Variants in AREL1 observed in about 807,000 individuals in gnomAD.
AREL1 encodes the protein apoptosis resistant E3 ubiquitin protein ligase 1.
In AREL1, 62 loss-of-function variants were observed where a neutral mutation model predicts 99.0. The observed-to-expected ratio is 0.63, with a 90% CI of 0.51 to 0.77. The LOEUF (loss-of-function observed/expected upper bound fraction) is 0.77. AREL1 is among the 30% of genes least tolerant of loss of function. AREL1 has a pLI of 0.00. For missense variants in AREL1, 879 were observed against 1,027.6 expected (o/e 0.86, Z 1.98); for synonymous variants, 380 against 376.5 (o/e 1.01, Z -0.11).
At chr14:74,684,391 G>A in intron 4 of AREL1, 63 bp downstream of exon 4, 1 of 1,444,856 alleles carries the variant, frequency 6.9e-7, no homozygotes, top group Non-Finnish European at 9.7e-7. Flanking sequence ...GCCAGCACCT[G>A]GGCTCTGGAA....
intron 1 of AREL1, chr14:74,698,874 AAAAG>A: frequency 4.9e-6 from 1 of 205,056 alleles, no homozygotes; most frequent in Non-Finnish European, 1.1e-5. Flanking sequence ...AAAAAAAAAA[AAAAG>A]CTGGGTGTGG....
intron 15 of AREL1, among the ~76,000 whole-genome samples, chr14:74,669,174 C>T (rs2089274800): frequency 6.6e-6 from 1 of 152,206 alleles, no homozygotes; most frequent in African/African-American, 2.4e-5. Flanking sequence ...CAATTACAGG[C>T]CATGAGCCAC....
intron 9 of AREL1, 144 bp from the exon 10 acceptor site, chr14:74,673,362 T>C: frequency 1.2e-6 from 1 of 815,818 alleles, no homozygotes; most frequent in South Asian, 2.1e-5. Context: ...TACATTTCAT[T>C]ATTTTTCCCT....
chr14:74,676,953 T>A (rs990126426), intron 5 of AREL1, among the ~76,000 whole-genome samples: 4 of 152,110 alleles, frequency 2.6e-5, no homozygotes, highest in South Asian at 4.2e-4. Flanking sequence ...CCCGCCACCA[T>A]GCCCAGAGAA....
At position 74,661,619 on chromosome 14, in the gene AREL1, A is replaced by C. The variant is rs1002310849; in HGVS notation, c.*2101T>G. On this transcript the variant is annotated 3_prime_UTR_variant, in exon 20 of 20. Transcript: ENST00000356357. ...AAGCAGGATTAGAAAAAAAAAAAAC[A>C]AAACAGTAAAAGAAAAGGCCCAAGA... is the stretch of plus-strand genomic sequence containing the variant. The C allele has an allele frequency of 1.0e-5, 2 of 191,932 alleles. No individual in the cohort carries two copies. 11.9% of individuals were successfully genotyped at this position (191,932 alleles called of 1,614,324 possible).
At chr14:74,671,068 A>C (rs756956441) in intron 12 of AREL1, among the ~76,000 whole-genome samples, 197 bp from the exon 13 acceptor site, 1 of 152,152 alleles carries the variant, frequency 6.6e-6, no homozygotes, top group Non-Finnish European at 1.5e-5. Context: ...CTGATCACTA[A>C]GGAAAAGCCC....
chr14:74,676,783 A>C, intron 5 of AREL1, 31 bp from the exon 6 acceptor site: 1 of 1,465,152 alleles, frequency 6.8e-7, no homozygotes, highest in Admixed American at 2.4e-5. Context: ...TCTAACATTT[A>C]TTTATTTTAT....
In AREL1 at chr14:74,676,827, C is replaced by G. The variant is rs545857611; in HGVS notation, c.482-75G>C. 59 of 1,211,310 alleles carry G rather than the reference C, an allele frequency of 4.9e-5. 1 individual carries two copies. The South Asian group carries it at 1.2e-3, about 25-fold the overall frequency. The allele number at this position is 1,211,310 out of a possible 1,614,324, so 75.0% of individuals were successfully genotyped here. A position where few individuals can be genotyped will look rare whatever the true frequency, so the allele number is the denominator to read the frequency against. ...TTTTATTTTTTTTGAGATGGAGTCTCGCTCTTTCGCCCAGGCTGGAGTGCA... is the reference window on the plus strand; with the variant it reads ...TTTTATTTTTTTTGAGATGGAGTCTGGCTCTTTCGCCCAGGCTGGAGTGCA... On this transcript the variant is annotated intron_variant, in intron 5 of 19. Coordinates refer to ENST00000356357, the MANE Select transcript of AREL1 (RefSeq NM_001039479.2).
At chr14:74,668,804 CTGTT>C (rs780724454) in intron 15 of AREL1, among the ~76,000 whole-genome samples, 139 of 152,164 alleles carry the variant, frequency 9.1e-4, no homozygotes, top group Non-Finnish European at 1.7e-3. Context: ...TCATTTGATG[CTGTT>C]TAACACCACA....
In AREL1 at chr14:74,662,155, C is replaced by T. The variant is rs1431677338; in HGVS notation, c.*1565G>A. On this transcript the variant is annotated 3_prime_UTR_variant, in exon 20 of 20. Transcript: ENST00000356357. The stretch of plus-strand genomic sequence containing the variant: ...CCCAAGGATGAGTGAGGTCAGCACC[C>T]ATGTGCCAAGAAAGGACAAATGATG... The T allele has an allele frequency of 6.4e-6, 1 of 156,638 alleles. No homozygotes were observed. The highest frequency in any genetic ancestry group is 2.4e-5 in the African/African-American group (1 of 41,608). The allele number at this position is 156,638 out of a possible 1,614,324, so 9.7% of individuals were successfully genotyped here. A position where few individuals can be genotyped will look rare whatever the true frequency, so the allele number is the denominator to read the frequency against.
intron 1 of AREL1, among the ~76,000 whole-genome samples, chr14:74,697,126 GGT>G (rs2089992043): frequency 6.6e-6 from 1 of 151,594 alleles, no homozygotes; most frequent in Non-Finnish European, 1.5e-5. Flanking sequence ...CTCTAGCCTG[GGT>G]AACAGAGAGA....
intron 1 of AREL1, among the ~76,000 whole-genome samples, chr14:74,707,938 C>G (rs1234867441): frequency 7.1e-6 from 1 of 141,710 alleles, no homozygotes; most frequent in Non-Finnish European, 1.5e-5. Flanking sequence ...GCCTGGGCGA[C>G]AGAGTGAGAC....
At position 74,683,376 on chromosome 14, in the gene AREL1, T is replaced by C. The variant is rs763535458; in HGVS notation, c.401A>G (p.Lys134Arg). 1.2e-6 allele frequency: 2 copies of C among 1,614,120 alleles called. No homozygotes were observed. The highest frequency in any genetic ancestry group is 1.6e-4 in the Middle Eastern group (1 of 6,062). ...NVVKVAFTVR[K>R]AGRYEITVKL... ...CACTGTGATTTCATAACGCCCAGCC[T>C]TGCGCACAGTGAAGGCCACTTTTAC... is the stretch of plus-strand genomic sequence containing the variant. The change falls in exon 5 of 20, where the codon AAG becomes AGG. Residue 134 changes from lysine (K) to arginine (R), a missense_variant. Coordinates refer to ENST00000356357, the MANE Select transcript of AREL1 (RefSeq NM_001039479.2).
At chr14:74,694,852 G>A (rs1255837214) in intron 1 of AREL1, among the ~76,000 whole-genome samples, 4 of 151,880 alleles carry the variant, frequency 2.6e-5, no homozygotes, top group African/African-American at 7.2e-5. Context: ...AGCCAGGCAC[G>A]GTGGCGGGTG....
chr14:74,687,001 TCTCAAAAATCTG>T (rs2089762651), intron 2 of AREL1, among the ~76,000 whole-genome samples: 1 of 152,254 alleles, frequency 6.6e-6, no homozygotes, highest in East Asian at 1.9e-4. Flanking sequence ...ACAGCTATCA[TCTCAAAAATCTG>T]CTACGATCTC....
chr14:74,683,476 G>C lies in AREL1; in HGVS notation c.301C>G (p.His101Asp). Residue 101 changes from histidine (H) to aspartate (D), a missense_variant, in exon 5 of 20, where the codon CAC becomes GAC. Transcript: ENST00000356357. ...ACTGCTAGCTCGACATGAGAGATGT[G>C]AACTCTTAGTCCCACAGGCCGATGT... ...PAHRPVGLRV[H>D]ISHVELAVEI... 6.2e-7 allele frequency: 1 copy of C among 1,614,078 alleles called. No homozygotes were observed. The highest frequency in any genetic ancestry group is 8.5e-7 in the Non-Finnish European group (1 of 1,180,004).
chr14:74,665,055 T>C (rs1290681116), intron 17 of AREL1, 130 bp from the exon 18 acceptor site: 17 of 645,002 alleles, frequency 2.6e-5, no homozygotes, highest in Non-Finnish European at 4.0e-5. Flanking sequence ...GAAGGTGAGG[T>C]CATAATGCCA....
chr14:74,663,901 T>A lies in AREL1; in HGVS notation c.2367A>T (p.Thr789=), dbSNP rs1040357693. The change falls in exon 19 of 20, where the codon ACA becomes ACT. Residue 789 remains threonine (T), a splice_region_variant and synonymous_variant. Transcript: ENST00000356357. ...PTHSTLPTAH[T]CFNQLCLPTY... is the part of the protein sequence containing the mutation. ...GCATCAGGCGGGCAGATACCTACCA[T>A]GTGTGTGCAGTAGGCAGCGTGCTAT... 1.9e-6 allele frequency: 3 copies of A among 1,614,038 alleles called. No individual in the cohort carries two copies. The highest frequency in any genetic ancestry group is 2.5e-6 in the Non-Finnish European group (3 of 1,180,012).
At chr14:74,707,387 GCA>G (rs1408614196) in intron 1 of AREL1, among the ~76,000 whole-genome samples, 4 of 151,542 alleles carry the variant, frequency 2.6e-5, no homozygotes, top group Non-Finnish European at 4.4e-5. Context: ...AAGAGGCCGG[GCA>G]CAGTGGATCA....
Sources: gnomAD v4.1 joint callset for allele counts (sites outside exome capture counted in the v4.1 genomes callset) on GRCh38, gnomAD v4.1.1 for gene constraint, MANE v1.5 for transcripts, NCBI Gene and HGNC (gene_info 2026-07-23, HGNC 2026-07-21) for gene names.